The following WFDC11 variants were observed in gnomAD, a reference collection of about 807,000 sequenced individuals.
WFDC11 encodes WAP four-disulfide core domain 11.
A neutral mutation model predicts 9.9 loss-of-function variants in WFDC11; 9 were observed. The ratio of observed to expected loss-of-function variants is 0.91; its 90% CI spans 0.55 to 1.58. The LOEUF is 1.58. Among genes scored for constraint, WFDC11 ranks in the 40% most tolerant of loss-of-function variants. The pLI, the probability that WFDC11 is intolerant of heterozygous loss-of-function variation, is 0.00. For synonymous variants in WFDC11, 32 were observed against 33.3 expected (o/e 0.96, Z 0.13); for missense variants, 106 against 101.7 (o/e 1.04, Z -0.18).
At chr20:45,665,729 C>T (rs1983174359) in intron 2 of WFDC11, among the ~76,000 whole-genome samples, 1 of 152,146 alleles carries the variant, frequency 6.6e-6, no homozygotes, top group Non-Finnish European at 1.5e-5. Context: ...ACCCTGTTTG[C>T]CTGGGTGTCA....
At position 45,650,126 on chromosome 20, in the gene WFDC11, CA is replaced by C. The variant is rs200443050; in HGVS notation, c.100+374del. ...GCACAGGGATACCAGTATAGAGCTA[CA>C]GGATTAGCTCTATACTGACATCTGA... On this transcript the variant is annotated intron_variant, in intron 3 of 4. Transcript: ENST00000324384. Among the ~76,000 whole-genome samples the C allele has an allele frequency of 5.5e-3, 839 of 152,092 alleles. 7 individuals carry two copies. Among genetic ancestry groups the C allele is most frequent in the African/African-American group, 0.019 (805 of 41,480 alleles).
intron 2 of WFDC11, among the ~76,000 whole-genome samples, chr20:45,657,528 A>T (rs1385925085): frequency 6.6e-6 from 1 of 152,174 alleles, no homozygotes; most frequent in African/African-American, 2.4e-5. Context: ...GCACATGTAT[A>T]CATGTGTAAC....
intron 2 of WFDC11, among the ~76,000 whole-genome samples, chr20:45,655,016 G>T (rs1982893915): frequency 6.6e-6 from 1 of 152,128 alleles, no homozygotes; most frequent in African/African-American, 2.4e-5. Context: ...AGGAGAAGCT[G>T]GTACCATTCC....
At chr20:45,653,256 A>G (rs1366440554) in intron 2 of WFDC11, among the ~76,000 whole-genome samples, 1 of 152,196 alleles carries the variant, frequency 6.6e-6, no homozygotes, top group Non-Finnish European at 1.5e-5. Context: ...AAGCCAGAAG[A>G]GAGTGGGGGC....
intron 2 of WFDC11, among the ~76,000 whole-genome samples, chr20:45,661,848 G>A (rs1331965740): frequency 1.5e-4 from 22 of 150,146 alleles, no homozygotes; most frequent in Admixed American, 2.0e-4. Context: ...AAGTCAGGTA[G>A]TGTGATGCCT....
chr20:45,663,361 C>A (rs537760743), intron 2 of WFDC11, among the ~76,000 whole-genome samples: 1 of 152,026 alleles, frequency 6.6e-6, no homozygotes, highest in South Asian at 2.1e-4. Flanking sequence ...TTTTGTTAAT[C>A]TTTTCAAAAA....
At chr20:45,658,766 G>A (rs185488028) in intron 2 of WFDC11, among the ~76,000 whole-genome samples, 140 of 152,088 alleles carry the variant, frequency 9.2e-4, no homozygotes, top group African/African-American at 3.2e-3. Flanking sequence ...TACATGTGCA[G>A]AATGTGCAGG....
At chr20:45,654,562 G>C (rs1982880258) in intron 2 of WFDC11, among the ~76,000 whole-genome samples, 1 of 151,886 alleles carries the variant, frequency 6.6e-6, no homozygotes, top group African/African-American at 2.4e-5. Flanking sequence ...GCTAGCAGAA[G>C]GCAAGAAATA....
At chr20:45,666,270 C>T (rs1199417036) in intron 2 of WFDC11, among the ~76,000 whole-genome samples, 1 of 152,242 alleles carries the variant, frequency 6.6e-6, no homozygotes, top group African/African-American at 2.4e-5. Flanking sequence ...GTTGCTAAGA[C>T]CTTGGGAAAA....
chr20:45,652,581 G>C (rs1202685631), intron 2 of WFDC11, among the ~76,000 whole-genome samples: 2 of 152,180 alleles, frequency 1.3e-5, no homozygotes, highest in Non-Finnish European at 2.9e-5. Flanking sequence ...AAGCTGGATG[G>C]AGAATGACTT....
At chr20:45,651,167 T>G (rs1982796930) in intron 2 of WFDC11, among the ~76,000 whole-genome samples, 1 of 152,216 alleles carries the variant, frequency 6.6e-6, no homozygotes, top group South Asian at 2.1e-4. Flanking sequence ...ACATGCAGTA[T>G]TTGGTTTGAA....
chr20:45,667,256 TC>T (rs902460718), intron 1 of WFDC11, 87 bp from the exon 2 acceptor site: 1 of 152,246 alleles, frequency 6.6e-6, no homozygotes, highest in Non-Finnish European at 1.5e-5. Context: ...GTAAGTTCTG[TC>T]CCAAACCATA....
At chr20:45,649,715 A>G (rs1982760556) in intron 3 of WFDC11, among the ~76,000 whole-genome samples, 2 of 152,066 alleles carry the variant, frequency 1.3e-5, no homozygotes, top group African/African-American at 4.8e-5. Flanking sequence ...CATTCATGTA[A>G]CCTCCTATAA....
chr20:45,657,142 A>G (rs961915215), intron 2 of WFDC11, among the ~76,000 whole-genome samples: 5 of 152,180 alleles, frequency 3.3e-5, no homozygotes, highest in Non-Finnish European at 4.4e-5. Flanking sequence ...ACGTATGTTT[A>G]TTGAGGCACT....
intron 2 of WFDC11, among the ~76,000 whole-genome samples, chr20:45,666,140 T>TC (rs1983183165): frequency 6.6e-6 from 1 of 151,894 alleles, no homozygotes; most frequent in Admixed American, 6.6e-5. Flanking sequence ...TGGACACCCC[T>TC]CCCCCCGCCA....
At position 45,649,266 on chromosome 20, in the gene WFDC11, C is replaced by T. The variant is rs373048311; in HGVS notation, c.234G>A (p.Trp78Ter). ...CCWTYCGNIC[W>*]INVETSGDY ...ACATCTCCCAACTCACGACGTTTAT[C>T]CAGCAGATGTTTCCACAATAGGTCC... Residue 78 changes from tryptophan (W) to a stop codon, truncating the protein, a stop_gained, in exon 4 of 5, where the codon TGG becomes TGA. Coordinates refer to ENST00000324384, the MANE Select transcript of WFDC11 (RefSeq NM_147197.2). LOFTEE classifies it low-confidence loss of function (END_TRUNC). The T allele has an allele frequency of 6.2e-7, 1 of 1,613,950 alleles. No individual in the cohort carries two copies. Among genetic ancestry groups the T allele is most frequent in the Non-Finnish European group, 8.5e-7 (1 of 1,179,972 alleles).
rs112175653 is a variant in WFDC11, at chr20:45,655,054, A to C, written c.-51-4403T>G. Among the ~76,000 whole-genome samples the C allele has an allele frequency of 6.8e-3, 1,037 of 152,346 alleles. 16 individuals carry two copies. Among genetic ancestry groups the C allele is most frequent in the East Asian group, 0.047 (244 of 5,194 alleles). On this transcript the variant is annotated intron_variant, in intron 2 of 4. Coordinates refer to ENST00000324384, the MANE Select transcript of WFDC11 (RefSeq NM_147197.2). The stretch of plus-strand genomic sequence containing the variant: ...CTGAAAGCATTCCAATCAATAGAAA[A>C]AGAGGGAATCCTCCCTAACCCATTT...
chr20:45,649,791 A>G (rs1344049716), intron 3 of WFDC11, among the ~76,000 whole-genome samples: 1 of 152,140 alleles, frequency 6.6e-6, no homozygotes, highest in African/African-American at 2.4e-5. Context: ...TGCAATGCCT[A>G]TTTCACAGAG....
At chr20:45,649,106 A>T in intron 4 of WFDC11, 151 bp downstream of exon 4, 1 of 909,616 alleles carries the variant, frequency 1.1e-6, no homozygotes, top group Non-Finnish European at 1.7e-6. Flanking sequence ...CTCGCCAGTG[A>T]ATTGCTTTCC....
Sources: allele counts gnomAD v4.1 joint callset (sites outside exome capture counted in the v4.1 genomes callset), GRCh38; gene constraint gnomAD v4.1.1; transcripts MANE v1.5; gene names NCBI Gene and HGNC (gene_info 2026-07-23, HGNC 2026-07-21).